Variants in THNSL2 observed in about 807,000 individuals in gnomAD.
THNSL2 encodes the protein threonine synthase-like 2.
A neutral mutation model predicts 40.0 loss-of-function variants in THNSL2; 34 were observed. The ratio of observed to expected loss-of-function variants is 0.85; its 90% CI spans 0.65 to 1.13. THNSL2 has a LOEUF of 1.13. Ranked by LOEUF, THNSL2 falls within the 50% of genes most tolerant of loss-of-function variation. The pLI is 0.00. For synonymous variants in THNSL2, 241 were observed against 247.5 expected (o/e 0.97, Z 0.25); for missense variants, 537 against 608.8 (o/e 0.88, Z 1.24).
At chr2:88,171,799 C>CAG (rs541474538) in intron 1 of THNSL2, 34 of 154,402 alleles carry the variant, frequency 2.2e-4, no homozygotes, top group African/African-American at 7.2e-4. Context: ...CCTAGGTTGC[C>CAG]AGAGAGAGAG....
chr2:88,173,123 AC>A lies in THNSL2; in HGVS notation c.-12-15del. ...AGCTTGGAGACCAGGTGCTTCTGGG[AC>A]TGTCCTCTCTGCAGGCCTCCAGGAT... On this transcript the variant is annotated splice_polypyrimidine_tract_variant and intron_variant, in intron 1 of 8. Transcript: ENST00000674334. 6.7e-7 allele frequency: 1 copy of A among 1,485,758 alleles called. No individual in the cohort carries two copies. Among genetic ancestry groups the A allele is most frequent in the Admixed American group, 2.2e-5 (1 of 45,536 alleles). The allele number at this position is 1,485,758 out of a possible 1,614,324, so 92.0% of individuals were successfully genotyped here. A position where few individuals can be genotyped will look rare whatever the true frequency, so the allele number is the denominator to read the frequency against.
chr2:88,183,188 G>T, intron 7 of THNSL2, 115 bp downstream of exon 7: 1 of 1,407,314 alleles, frequency 7.1e-7, no homozygotes, highest in African/African-American at 1.4e-5. Context: ...TACCTGCTAT[G>T]AGCCCACCAC....
chr2:88,183,268 A>G, intron 7 of THNSL2, 195 bp downstream of exon 7: 1 of 676,432 alleles, frequency 1.5e-6, no homozygotes, highest in Non-Finnish European at 2.3e-6. Context: ...GTTTAGAGTC[A>G]AATGAGCTCA....
Position 88,175,545 on chromosome 2 carries a change from C to T in THNSL2, c.571+144C>T. 2.0e-6 allele frequency: 2 copies of T among 1,025,054 alleles called. 1 individual carries two copies. The highest frequency in any genetic ancestry group is 3.3e-5 in the South Asian group (2 of 60,916). 63.5% of individuals were successfully genotyped at this position (1,025,054 alleles called of 1,614,324 possible). Reference sequence around the variant, plus strand: ...TCATATTCGAGGTTGGTGTGTATGCCTTGGCTCAGCTCTGGGCAGGGTTCT... The same window carrying T: ...TCATATTCGAGGTTGGTGTGTATGCTTTGGCTCAGCTCTGGGCAGGGTTCT... On this transcript the variant is annotated intron_variant, in intron 4 of 8. Transcript: ENST00000674334.
In THNSL2 at chr2:88,178,819, A is replaced by G; in HGVS notation, c.608A>G (p.Lys203Arg). ...GNSDELDEPI[K>R]TVFADVAFVK... ...AGCGATGAGCTCGATGAGCCGATCA[A>G]GACTGTGTTTGCCGATGTGGCTTTT... Residue 203 changes from lysine to arginine, a missense_variant, in exon 5 of 9, where the codon AAG becomes AGG. Coordinates refer to ENST00000674334, the MANE Select transcript of THNSL2 (RefSeq NM_018271.5). 1 of 1,614,082 alleles carries G rather than the reference A, an allele frequency of 6.2e-7. No homozygotes were observed. Among genetic ancestry groups the G allele is most frequent in the South Asian group, 1.1e-5 (1 of 91,078 alleles).
rs1558891753 is a variant in THNSL2, at chr2:88,178,822, CTG to C, written c.615_616del (p.Phe206CysfsTer59). ...GATGAGCTCGATGAGCCGATCAAGACTGTGTTTGCCGATGTGGCTTTTGTCAA... is the reference window on the plus strand; with the variant it reads ...GATGAGCTCGATGAGCCGATCAAGACTGTTTGCCGATGTGGCTTTTGTCAA... On this transcript the variant is annotated frameshift_variant, in exon 5 of 9. Transcript: ENST00000674334. LOFTEE classifies it high-confidence loss of function. The C allele has an allele frequency of 3.1e-6, 5 of 1,614,086 alleles. No homozygotes were observed. Among genetic ancestry groups the C allele is most frequent in the Middle Eastern group, 1.6e-4 (1 of 6,062 alleles).
At chr2:88,176,497 A>G (rs567409380) in intron 4 of THNSL2, 1 of 152,362 alleles carries the variant, frequency 6.6e-6, no homozygotes, top group East Asian at 1.9e-4. Flanking sequence ...CAGGCTTTCC[A>G]GGAGGCCTGG....
At position 88,185,948 on chromosome 2, in the gene THNSL2, C is replaced by G; in HGVS notation, c.1280C>G (p.Ala427Gly). 1.9e-6 allele frequency: 3 copies of G among 1,612,602 alleles called. No homozygotes were observed. Among genetic ancestry groups the G allele is most frequent in the Non-Finnish European group, 2.5e-6 (3 of 1,179,592 alleles). Residue 427 changes from alanine to glycine, a missense_variant, in exon 9 of 9, where the codon GCT becomes GGT. Physicochemically the swap from Ala to Gly is moderately conservative, Grantham distance 60. Coordinates refer to ENST00000674334, the MANE Select transcript of THNSL2 (RefSeq NM_018271.5). ...GCCTCTGCAGCCAAGTTCCCGGAAG[C>G]TGTCCTGGCTGCTGGCCTGACCCCT... The part of the protein sequence containing the change: ...APASAAKFPE[A>G]VLAAGLTPET...
rs1573167400 is a variant in THNSL2, at chr2:88,173,143, C to A, written c.-8C>A. ...CTGGGACTGTCCTCTCTGCAGGCCT[C>A]CAGGATCATGTGGTATGTCAGCACC... On this transcript the variant is annotated 5_prime_UTR_variant, in exon 2 of 9. Transcript: ENST00000674334. 7 of 1,531,918 alleles carry A rather than the reference C, an allele frequency of 4.6e-6. No individual in the cohort carries two copies. The highest frequency in any genetic ancestry group is 6.2e-6 in the Non-Finnish European group (7 of 1,136,872). The allele number at this position is 1,531,918 out of a possible 1,614,324, so 94.9% of individuals were successfully genotyped here.
At chr2:88,181,642 T>G (rs1400326670) in intron 5 of THNSL2, among the ~76,000 whole-genome samples, 1 of 151,630 alleles carries the variant, frequency 6.6e-6, no homozygotes. Flanking sequence ...TCACACATTT[T>G]AAGTGTATGA....
intron 5 of THNSL2, among the ~76,000 whole-genome samples, chr2:88,181,698 C>T: frequency 6.6e-6 from 1 of 152,022 alleles, no homozygotes; most frequent in Non-Finnish European, 1.5e-5. Flanking sequence ...GTGCAACTAT[C>T]ACCATAACCA....
At chr2:88,182,581 A>C (rs1394002920) in intron 5 of THNSL2, 118 bp from the exon 6 acceptor site, 5 of 1,216,334 alleles carry the variant, frequency 4.1e-6, no homozygotes, top group Non-Finnish European at 5.5e-6. Context: ...TGTCCTTTTT[A>C]AAGCACAAAA....
At chr2:88,172,943 G>C in intron 1 of THNSL2, 196 bp from the exon 2 acceptor site, 1 of 392,014 alleles carries the variant, frequency 2.6e-6, no homozygotes. Context: ...ATTTTGATTG[G>C]TGGAATCATG....
chr2:88,173,820 A>G (rs1052763081), intron 2 of THNSL2, among the ~76,000 whole-genome samples: 1 of 152,192 alleles, frequency 6.6e-6, no homozygotes, highest in African/African-American at 2.4e-5. Context: ...TACTGTGCCT[A>G]TGGATTCCCT....
intron 4 of THNSL2, chr2:88,176,439 G>A (rs1300684573): frequency 2.0e-5 from 3 of 152,250 alleles, no homozygotes; most frequent in Non-Finnish European, 4.4e-5. Context: ...GTAGCTGCAA[G>A]GTGGGGACTT....
intron 4 of THNSL2, chr2:88,175,605 A>G (rs1247106462): frequency 2.8e-5 from 17 of 603,580 alleles, no homozygotes; most frequent in Middle Eastern, 4.5e-4. Flanking sequence ...TGACAGATGC[A>G]TAAACTGATA....
At chr2:88,181,890 T>C (rs957730063) in intron 5 of THNSL2, among the ~76,000 whole-genome samples, 1 of 152,218 alleles carries the variant, frequency 6.6e-6, no homozygotes, top group African/African-American at 2.4e-5. Flanking sequence ...ATGTGGTCTT[T>C]TGTGCCTGAC....
At chr2:88,174,413 C>G (rs570505661) in intron 2 of THNSL2, among the ~76,000 whole-genome samples, 1 of 152,240 alleles carries the variant, frequency 6.6e-6, no homozygotes, top group East Asian at 1.9e-4. Context: ...AGTACCAATT[C>G]TGGTCACTGA....
intron 4 of THNSL2, among the ~76,000 whole-genome samples, chr2:88,177,514 A>T (rs1422502786): frequency 6.6e-6 from 1 of 152,188 alleles, no homozygotes; most frequent in African/African-American, 2.4e-5. Flanking sequence ...GTAGCAAAAA[A>T]TTCAACTCAG....
Sources: allele counts gnomAD v4.1 joint callset (sites outside exome capture counted in the v4.1 genomes callset), GRCh38; gene constraint gnomAD v4.1.1; transcripts MANE v1.5; gene names NCBI Gene and HGNC (gene_info 2026-07-23, HGNC 2026-07-21).